Variants in APBB1IP observed in about 807,000 individuals in gnomAD.
APBB1IP encodes amyloid beta A4 precursor protein-binding family B member 1-interacting protein.
APBB1IP carries 27 observed loss-of-function variants against 64.9 expected under a neutral mutation model. The observed-to-expected ratio is 0.42, with a 90% CI of 0.31 to 0.57. APBB1IP has a LOEUF of 0.57. APBB1IP is among the 20% of genes least tolerant of loss of function. The probability of loss-of-function intolerance (pLI) is 0.20; values close to 1 mark genes in which losing one functional copy is unlikely to be tolerated. For synonymous variants in APBB1IP, 392 were observed against 331.0 expected (o/e 1.18, Z -2.00); for missense variants, 812 against 845.5 (o/e 0.96, Z 0.49).
rs1433925766 is a variant in APBB1IP, at chr10:26,503,265, G to C, written c.522G>C (p.Lys174Asn). 1.2e-6 allele frequency: 2 copies of C among 1,613,956 alleles called. No individual in the cohort carries two copies. The highest frequency in any genetic ancestry group is 2.7e-5 in the African/African-American group (2 of 74,904). The change falls in exon 6 of 15, where the codon AAG (lysine) becomes AAC (asparagine). Residue 174 changes from lysine (K) to asparagine (N), a missense_variant. This residue lies in a region of APBB1IP where 394 missense variants were observed against 413.1 expected (regional missense o/e 0.95). Transcript: ENST00000376236. ...KLALEKLKEA[K>N]VKKLVVKVHM... ...CGCTGGAAAAACTGAAGGAGGCCAA[G>C]GTTAAGAAGGTGAATCATGAATCCC...
chr10:26,523,027 A>AC (rs1836423844), intron 8 of APBB1IP, among the ~76,000 whole-genome samples: 1 of 151,638 alleles, frequency 6.6e-6, no homozygotes, highest in South Asian at 2.1e-4. Context: ...AAAAAAAAAA[A>AC]AAAAACCAAG....
chr10:26,507,409 A>G (rs1244336925), intron 6 of APBB1IP, among the ~76,000 whole-genome samples: 1 of 152,132 alleles, frequency 6.6e-6, no homozygotes, highest in Non-Finnish European at 1.5e-5. Flanking sequence ...AGGCGGGAGG[A>G]TCCCTTGACC....
At chr10:26,487,653 G>T (rs1327962056) in intron 2 of APBB1IP, among the ~76,000 whole-genome samples, 3 of 152,146 alleles carry the variant, frequency 2.0e-5, no homozygotes, top group Non-Finnish European at 4.4e-5. Flanking sequence ...ACGCGCTGTT[G>T]TTTTGAGTTA....
chr10:26,468,329 C>G (rs1229828043), intron 2 of APBB1IP, among the ~76,000 whole-genome samples: 1 of 152,178 alleles, frequency 6.6e-6, no homozygotes, highest in Non-Finnish European at 1.5e-5. Flanking sequence ...CTGTCACCCT[C>G]TTCAGACTTT....
chr10:26,524,133 G>A (rs1017380937), intron 8 of APBB1IP, among the ~76,000 whole-genome samples: 3 of 151,888 alleles, frequency 2.0e-5, no homozygotes, highest in African/African-American at 4.8e-5. Flanking sequence ...TCTCCTTCCC[G>A]CATTTATCCC....
At chr10:26,444,605 A>G (rs4749132) in intron 2 of APBB1IP, among the ~76,000 whole-genome samples, 58,720 of 151,772 alleles carry the variant, frequency 0.39, 11,499 homozygotes, top group South Asian at 0.49. Context: ...AACTAAAGTC[A>G]GCAAGTTGGA....
intron 10 of APBB1IP, among the ~76,000 whole-genome samples, chr10:26,539,898 A>G (rs373016000): frequency 5.8e-4 from 89 of 152,336 alleles, no homozygotes; most frequent in African/African-American, 2.1e-3. Flanking sequence ...ATTAAGCATG[A>G]GATTGATAAA....
At chr10:26,492,219 C>T in intron 2 of APBB1IP, 108 bp from the exon 3 acceptor site, 1 of 958,668 alleles carries the variant, frequency 1.0e-6, no homozygotes, top group Non-Finnish European at 1.6e-6. Flanking sequence ...CCTCTCCCAA[C>T]TTAGCTGCCC....
At chr10:26,461,892 G>C (rs1040446310) in intron 2 of APBB1IP, among the ~76,000 whole-genome samples, 3 of 151,984 alleles carry the variant, frequency 2.0e-5, no homozygotes, top group African/African-American at 7.3e-5. Context: ...GTATATATAG[G>C]AACACTACTG....
chr10:26,458,126 G>C (rs1443991388), intron 2 of APBB1IP, among the ~76,000 whole-genome samples: 1 of 152,186 alleles, frequency 6.6e-6, no homozygotes, highest in Non-Finnish European at 1.5e-5. Context: ...GGTGTCTCAT[G>C]CCTGTAATCT....
At chr10:26,560,662 A>T in intron 12 of APBB1IP, 68 bp from the exon 13 acceptor site, 1 of 1,078,158 alleles carries the variant, frequency 9.3e-7, no homozygotes, top group Non-Finnish European at 1.4e-6. Flanking sequence ...GTATATGTAT[A>T]TTGCAATTGA....
At chr10:26,491,210 C>T (rs1295524705) in intron 2 of APBB1IP, among the ~76,000 whole-genome samples, 4 of 151,514 alleles carry the variant, frequency 2.6e-5, no homozygotes, top group East Asian at 1.9e-4. Context: ...ACCTGAGAGA[C>T]GGAGGCTGCA....
chr10:26,567,249 C>A lies in APBB1IP; in HGVS notation c.1762C>A (p.Pro588Thr). ...CCCAGACTTCGTGCCCCCGCCCCCG[C>A]CGTCGTACGCAGGGATCGCGGGCTC... Reference protein sequence around the residue: ...PPPDFVPPPPPSYAGIAGSEL... With the variant: ...PPPDFVPPPPTSYAGIAGSEL... The change falls in exon 15 of 15, where the codon CCG (proline) becomes ACG (threonine). Residue 588 changes from proline (P) to threonine (T), a missense_variant. Physicochemically the swap from Pro to Thr is conservative, Grantham distance 38. This residue lies in a region of APBB1IP where 381 missense variants were observed against 352.1 expected (regional missense o/e 1.08). Coordinates refer to ENST00000376236, the MANE Select transcript of APBB1IP (RefSeq NM_019043.4). The A allele has an allele frequency of 1.5e-6, 2 of 1,319,266 alleles. No homozygotes were observed. Among genetic ancestry groups the A allele is most frequent in the South Asian group, 1.7e-5 (1 of 57,534 alleles). 81.7% of individuals were successfully genotyped at this position (1,319,266 alleles called of 1,614,324 possible). A position where few individuals can be genotyped will look rare whatever the true frequency, so the allele number is the denominator to read the frequency against.
intron 14 of APBB1IP, among the ~76,000 whole-genome samples, chr10:26,563,188 G>C (rs1416147872): frequency 3.9e-5 from 6 of 151,990 alleles, no homozygotes; most frequent in African/African-American, 7.2e-5. Flanking sequence ...ACTGCTAAAA[G>C]AGCTACATTA....
chr10:26,521,891 C>T (rs1836406001), intron 8 of APBB1IP, among the ~76,000 whole-genome samples: 2 of 152,290 alleles, frequency 1.3e-5, no homozygotes, highest in South Asian at 4.1e-4. Flanking sequence ...GCTGGGATTA[C>T]AGGCATGCGC....
At chr10:26,462,190 T>C (rs777700860) in intron 2 of APBB1IP, among the ~76,000 whole-genome samples, 363 of 152,074 alleles carry the variant, frequency 2.4e-3, no homozygotes, top group Non-Finnish European at 3.3e-3. Context: ...TTGTCCCTTA[T>C]AAAAAAAAGT....
intron 2 of APBB1IP, among the ~76,000 whole-genome samples, chr10:26,450,934 G>A (rs997388214): frequency 6.6e-6 from 1 of 152,190 alleles, no homozygotes; most frequent in South Asian, 2.1e-4. Context: ...GACCTCAGGA[G>A]ATCCACCCGC....
chr10:26,475,688 T>C (rs1025174523), intron 2 of APBB1IP, among the ~76,000 whole-genome samples: 23 of 152,336 alleles, frequency 1.5e-4, no homozygotes, highest in African/African-American at 5.3e-4. Context: ...AAAAGAGTGA[T>C]ATTATCTACC....
At chr10:26,566,374 C>T (rs1162330608) in intron 14 of APBB1IP, among the ~76,000 whole-genome samples, 1 of 152,154 alleles carries the variant, frequency 6.6e-6, no homozygotes, top group Non-Finnish European at 1.5e-5. Context: ...TATGCCTTAG[C>T]CACCCCAGTA....
Sources: gnomAD v4.1 joint callset for allele counts (sites outside exome capture counted in the v4.1 genomes callset) on GRCh38, gnomAD v4.1.1 for gene constraint, gnomAD v4.1.1 regional missense constraint, MANE v1.5 for transcripts, NCBI Gene and HGNC (gene_info 2026-07-23, HGNC 2026-07-21) for gene names.